Variants in STK3 observed in about 807,000 individuals in gnomAD.
STK3 encodes the protein serine/threonine-protein kinase 3.
STK3 carries 41 observed loss-of-function variants against 58.0 expected under a neutral mutation model. That is an observed-to-expected ratio of 0.71 (90% CI 0.55 to 0.92). The LOEUF (loss-of-function observed/expected upper bound fraction) is 0.92, where lower values mean the gene tolerates loss of function less well. Among genes scored for constraint, STK3 ranks in the 40% least tolerant of loss-of-function variants. The pLI is 0.00. For synonymous variants in STK3, 170 were observed against 191.0 expected, an observed-to-expected ratio of 0.89 and a Z score of 0.91; for missense variants, 479 against 602.7, an observed-to-expected ratio of 0.79 and a Z score of 2.15.
chr8:98,671,326 A>T (rs541871040), intron 6 of STK3, among the ~76,000 whole-genome samples: 2 of 152,066 alleles, frequency 1.3e-5, no homozygotes. Context: ...GGGGGAAAAA[A>T]CCCATTTCCA....
chr8:98,450,466 T>C (rs141836210), downstream of STK3, among the ~76,000 whole-genome samples: 807 of 152,292 alleles, frequency 5.3e-3, 8 homozygotes, highest in African/African-American at 0.019. Context: ...GATTAAATGG[T>C]TATTTCTGCC....
chr8:98,553,873 G>A (rs367963967), intron 8 of STK3, among the ~76,000 whole-genome samples: 1 of 151,878 alleles, frequency 6.6e-6, no homozygotes, highest in Non-Finnish European at 1.5e-5. Context: ...GCTGATGCAG[G>A]AGAATCATTT....
intron 4 of STK3, among the ~76,000 whole-genome samples, chr8:98,740,280 G>T (rs1008337159): frequency 3.3e-5 from 5 of 152,000 alleles, no homozygotes; most frequent in Non-Finnish European, 5.9e-5. Context: ...GCAACTCCAA[G>T]ACACATAATT....
At chr8:98,929,421 G>T (rs904621317) in intron 1 of STK3, among the ~76,000 whole-genome samples, 2 of 152,216 alleles carry the variant, frequency 1.3e-5, no homozygotes, top group African/African-American at 4.8e-5. Flanking sequence ...ACTTTGGGAG[G>T]CCAAGGCAGA....
At chr8:98,460,189 G>A (rs1376858481) in intron 10 of STK3, among the ~76,000 whole-genome samples, 3 of 152,234 alleles carry the variant, frequency 2.0e-5, no homozygotes, top group African/African-American at 7.2e-5. Context: ...TTGCATCAAT[G>A]TGACCCGGAT....
At chr8:98,740,674 A>T (rs1214439262) in intron 4 of STK3, among the ~76,000 whole-genome samples, 3 of 152,226 alleles carry the variant, frequency 2.0e-5, no homozygotes, top group Non-Finnish European at 4.4e-5. Flanking sequence ...GGCTAGGAAG[A>T]AACGGTATCA....
At chr8:98,511,949 C>T (rs944858173) in intron 10 of STK3, among the ~76,000 whole-genome samples, 5 of 151,938 alleles carry the variant, frequency 3.3e-5, no homozygotes, top group African/African-American at 7.3e-5. Flanking sequence ...AAAAATCCCA[C>T]TTGCATAATT....
chr8:98,470,352 G>A (rs538050783), intron 10 of STK3, among the ~76,000 whole-genome samples: 2 of 152,286 alleles, frequency 1.3e-5, no homozygotes, highest in Non-Finnish European at 2.9e-5. Context: ...TTGTGACTCT[G>A]TCAGGTCCAC....
At chr8:98,574,637 C>T (rs1344431413) in intron 8 of STK3, among the ~76,000 whole-genome samples, 1 of 152,088 alleles carries the variant, frequency 6.6e-6, no homozygotes, top group Non-Finnish European at 1.5e-5. Context: ...GTGTTTTTGG[C>T]AGAAACACTA....
upstream of STK3, among the ~76,000 whole-genome samples, chr8:98,829,259 A>T (rs1373507241): frequency 6.6e-6 from 1 of 152,186 alleles, no homozygotes; most frequent in African/African-American, 2.4e-5. Context: ...GGGCCTGAGT[A>T]TCATGGCTGC....
At chr8:98,744,133 G>A (rs1829463463) in intron 4 of STK3, among the ~76,000 whole-genome samples, 1 of 152,166 alleles carries the variant, frequency 6.6e-6, no homozygotes, top group South Asian at 2.1e-4. Flanking sequence ...ACTGTTGATG[G>A]GAATGTAAAC....
chr8:98,668,923 T>C (rs1333495835), intron 6 of STK3, among the ~76,000 whole-genome samples: 1 of 150,372 alleles, frequency 6.7e-6, no homozygotes, highest in Non-Finnish European at 1.5e-5. Flanking sequence ...TCCAATTATA[T>C]TTCAATTGTG....
chr8:98,674,923 A>G (rs1823089085), intron 6 of STK3, among the ~76,000 whole-genome samples: 2 of 152,180 alleles, frequency 1.3e-5, no homozygotes, highest in Admixed American at 1.3e-4. Context: ...TCACATACAC[A>G]TTTATAAACA....
chr8:98,567,939 T>A lies in STK3; in HGVS notation c.948+11725A>T, dbSNP rs572833017. 9.2e-5 allele frequency among the ~76,000 whole-genome samples: 14 copies of A among 152,024 alleles called. No individual in the cohort carries two copies. The East Asian group carries it at 2.5e-3, about 27-fold the overall frequency. The stretch of plus-strand genomic sequence containing the variant: ...CAGGCATGGTGGCAGGCGCCTATAA[T>A]CCCAGCTACTCGGGAGACTGAGGCA... On this transcript the variant is annotated intron_variant, in intron 8 of 10. Transcript: ENST00000419617.
At chr8:98,741,290 A>T (rs1829183465) in intron 4 of STK3, among the ~76,000 whole-genome samples, 1 of 152,224 alleles carries the variant, frequency 6.6e-6, no homozygotes, top group Non-Finnish European at 1.5e-5. Flanking sequence ...AACAGAATAT[A>T]CATTTTTTTC....
rs1185090151 is a variant in STK3, at chr8:98,428,718, G to T, written n.483+5409C>A. On this transcript the variant is annotated intron_variant and non_coding_transcript_variant, in intron 3 of 3. Transcript: ENST00000517832. This position sits in a 1 kb window ranked among gnomAD's most constrained non-coding sequence, Gnocchi z 6.7. ...CACATTTGAGCTGGTGGCCAGGTTT[G>T]CTGTGGCCCCTGACTTCCTCAAGTT... 4 of 1,614,246 alleles carry T rather than the reference G, an allele frequency of 2.5e-6. No individual in the cohort carries two copies. The Admixed American group carries it at 5.0e-5, about 20-fold the overall frequency.
At chr8:98,726,867 C>A (rs984053018) in intron 4 of STK3, among the ~76,000 whole-genome samples, 6 of 152,076 alleles carry the variant, frequency 3.9e-5, no homozygotes, top group African/African-American at 1.4e-4. Flanking sequence ...GAGATGGGAC[C>A]CAAAAGCTTT....
At chr8:98,351,135 T>C in the STK3 span, among the ~76,000 whole-genome samples, 6 of 152,206 alleles carry the variant, frequency 3.9e-5, no homozygotes, top group African/African-American at 1.4e-4. Flanking sequence ...GGTACAGACA[T>C]ACTGTTTATC....
intron 4 of STK3, among the ~76,000 whole-genome samples, chr8:98,712,342 T>C (rs570884645): frequency 9.2e-5 from 14 of 152,212 alleles, no homozygotes; most frequent in African/African-American, 2.4e-4. Context: ...ACTGGCAAAA[T>C]TGGATACAGA....
Sources: allele counts gnomAD v4.1 joint callset (sites outside exome capture counted in the v4.1 genomes callset), GRCh38; gene constraint gnomAD v4.1.1; non-coding constraint Gnocchi (gnomAD v3.1); transcripts MANE v1.5; gene names NCBI Gene and HGNC (gene_info 2026-07-23, HGNC 2026-07-21).